The following EPHA2 variants were observed in gnomAD, a reference collection of about 807,000 sequenced individuals.
EPHA2 encodes EPH receptor A2, also known as ephrin type-A receptor 2.
Under a neutral mutation model 104.9 loss-of-function variants are expected in EPHA2, and 54 were observed. The ratio of observed to expected loss-of-function variants is 0.51; its 90% CI spans 0.41 to 0.65. The LOEUF is 0.65. Ranked by LOEUF, EPHA2 falls within the 30% of genes least tolerant of loss-of-function variation. The probability of loss-of-function intolerance (pLI) is 0.00; values close to 1 mark genes in which losing one functional copy is unlikely to be tolerated. For missense variants in EPHA2, 1,117 were observed against 1,369.5 expected (o/e 0.82, Z 2.91); for synonymous variants, 560 against 559.1 (o/e 1.00, Z -0.02).
rs1437241551 is a variant in EPHA2, at chr1:16,130,760, G to C, written c.2476-341C>G. 6.6e-6 allele frequency among the ~76,000 whole-genome samples: 1 copy of C among 152,066 alleles called. No homozygotes were observed. The highest frequency in any genetic ancestry group is 1.5e-5 in the Non-Finnish European group (1 of 68,012). ...TCCTCCCACCTCCGCCTCCTGAGTA[G>C]CTGAGACTACAGGCACGTGCCAACA... On this transcript the variant is annotated intron_variant, in intron 14 of 16. Coordinates refer to ENST00000358432, the MANE Select transcript of EPHA2 (RefSeq NM_004431.5). This position sits in a 1 kb window ranked among gnomAD's most constrained non-coding sequence, Gnocchi z 4.5.
Position 16,137,947 on chromosome 1 carries a change from C to T in EPHA2, c.1218G>A (p.Met406Ile), listed in dbSNP as rs570874803. Residue 406 changes from methionine (M) to isoleucine (I), a missense_variant, in exon 5 of 17, where the codon ATG becomes ATA. This residue lies in a region of EPHA2 where 664 missense variants were observed against 784.8 expected (regional missense o/e 0.85). Coordinates refer to ENST00000358432, the MANE Select transcript of EPHA2 (RefSeq NM_004431.5). ...GGGCCTCCACGGTGAAGGTGTAGTTCATGTGGGGCTCCAGGTCGCTCACTG... is the reference window on the plus strand; with the variant it reads ...GGGCCTCCACGGTGAAGGTGTAGTTTATGTGGGGCTCCAGGTCGCTCACTG... Reference protein sequence around the residue: ...SVTVSDLEPHMNYTFTVEARN... With the variant: ...SVTVSDLEPHINYTFTVEARN... The T allele has an allele frequency of 5.0e-6, 8 of 1,614,064 alleles. No individual in the cohort carries two copies. The highest frequency in any genetic ancestry group is 6.8e-6 in the Non-Finnish European group (8 of 1,180,056).
intron 16 of EPHA2, among the ~76,000 whole-genome samples, chr1:16,129,184 A>G (rs2024525827): frequency 6.6e-6 from 1 of 151,474 alleles, no homozygotes; most frequent in Non-Finnish European, 1.5e-5. Context: ...AGCTACTGTT[A>G]TGATTACGGT....
chr1:16,150,409 G>GC lies in EPHA2; in HGVS notation c.153+486dup, dbSNP rs112569634. Among the ~76,000 whole-genome samples the GC allele has an allele frequency of 1.2e-4, 18 of 152,328 alleles. No individual in the cohort carries two copies. Among genetic ancestry groups the GC allele is most frequent in the African/African-American group, 4.3e-4 (18 of 41,564 alleles). On this transcript the variant is annotated intron_variant, in intron 2 of 16. Transcript: ENST00000358432. The surrounding 1 kb of genome is among the most constrained non-coding windows in gnomAD (Gnocchi z 4.8). Reference sequence around the variant, plus strand: ...GGTGAGAATGAGGCAGAGAAATGCAGCCCCCCACAGGAAGGGGAAGCAACA... The same window carrying GC: ...GGTGAGAATGAGGCAGAGAAATGCAGCCCCCCCACAGGAAGGGGAAGCAACA...
intron 1 of EPHA2, among the ~76,000 whole-genome samples, chr1:16,155,020 G>T (rs187283643): frequency 1.3e-5 from 2 of 152,180 alleles, no homozygotes; most frequent in African/African-American, 2.4e-5. Flanking sequence ...CAAAGTCTGC[G>T]GCCCCTCACT....
At position 16,133,504 on chromosome 1, in the gene EPHA2, G is replaced by C; in HGVS notation, c.1841C>G (p.Thr614Ser). The change falls in exon 10 of 17, where the codon ACT becomes AGT. Residue 614 changes from threonine (T) to serine (S), a missense_variant. By Grantham distance (58) the Thr-to-Ser change is moderately conservative. This residue lies in a region of EPHA2 where 113 missense variants were observed against 104.3 expected (regional missense o/e 1.08). Coordinates refer to ENST00000358432, the MANE Select transcript of EPHA2 (RefSeq NM_004431.5). ...FTTEIHPSCV[T>S]RQKVIGAGEF... ...ACCTGCTCCGATCACCTTCTGCCGAGTGACACAGGATGGATGGATCTCGGT... is the reference window on the plus strand; with the variant it reads ...ACCTGCTCCGATCACCTTCTGCCGACTGACACAGGATGGATGGATCTCGGT... 1.2e-6 allele frequency: 2 copies of C among 1,614,126 alleles called. No homozygotes were observed. Among genetic ancestry groups the C allele is most frequent in the Non-Finnish European group, 1.7e-6 (2 of 1,179,992 alleles).
At position 16,136,303 on chromosome 1, in the gene EPHA2, AAAT is replaced by A. The variant is rs35523202; in HGVS notation, c.1313-536_1313-534del. Among the ~76,000 whole-genome samples, 493 of 140,982 alleles carry A rather than the reference AAAT, an allele frequency of 3.5e-3. 2 individuals carry two copies. The highest frequency in any genetic ancestry group is 9.7e-3 in the African/African-American group (378 of 38,794). 92.5% of individuals were successfully genotyped at this position (140,982 alleles called of 152,430 possible). On this transcript the variant is annotated intron_variant, in intron 5 of 16. Transcript: ENST00000358432. ...AGGTGCCCCATATTTACGAGTGCATAAATAATAATAATAATAATAATAATAATA... is the reference window on the plus strand; with the variant it reads ...AGGTGCCCCATATTTACGAGTGCATAAATAATAATAATAATAATAATAATA...
At chr1:16,132,354 GC>G in intron 12 of EPHA2, 23 bp downstream of exon 12, 1 of 1,614,084 alleles carries the variant, frequency 6.2e-7, no homozygotes, top group Non-Finnish European at 8.5e-7. Flanking sequence ...AGGCATCCCC[GC>G]CCCCTACAAC....
intron 13 of EPHA2, 40 bp downstream of exon 13, chr1:16,132,024 G>A (rs773120871): frequency 3.4e-5 from 55 of 1,613,666 alleles, no homozygotes; most frequent in Non-Finnish European, 4.1e-5. Flanking sequence ...CATGCAGGGC[G>A]AAGGCCGCTT....
chr1:16,131,690 G>C lies in EPHA2; in HGVS notation c.2475+31C>G, dbSNP rs201319114. The C allele has an allele frequency of 6.2e-7, 1 of 1,613,580 alleles. No homozygotes were observed. The highest frequency in any genetic ancestry group is 1.7e-5 in the Admixed American group (1 of 60,022). The stretch of plus-strand genomic sequence containing the variant: ...GAGTAAAGGGCTTGAGTTCAGGTCC[G>C]GACAGGCCTGGGGAGGGCAAGGGCA... On this transcript the variant is annotated intron_variant, in intron 14 of 16. Transcript: ENST00000358432. This position sits in a 1 kb window ranked among gnomAD's most constrained non-coding sequence, Gnocchi z 5.2.
intron 1 of EPHA2, chr1:16,153,135 A>G: frequency 1.0e-6 from 1 of 985,132 alleles, no homozygotes. Context: ...GGGGGGAAAA[A>G]AAAAAAGCAA....
At chr1:16,129,353 A>C in intron 16 of EPHA2, 81 bp downstream of exon 16, 1 of 1,516,266 alleles carries the variant, frequency 6.6e-7, no homozygotes, top group African/African-American at 1.4e-5. Context: ...AGGGGCAGGG[A>C]AGAGGGCTGG....
rs370135733 is a variant in EPHA2, at chr1:16,133,283, G to A, written c.1950C>T (p.Ala650=). The A allele has an allele frequency of 8.1e-6, 13 of 1,613,690 alleles. No individual in the cohort carries two copies. Among genetic ancestry groups the A allele is most frequent in the Admixed American group, 5.0e-5 (3 of 59,982 alleles). ...CCACTCGCTGCTTCTCTGTGTAGCC[G>A]GCTTTCAGCGTCTTGATGGCCACCG... ...EVPVAIKTLK[A]GYTEKQRVDF... The change falls in exon 11 of 17, where the codon GCC becomes GCT. Residue 650 remains alanine (A), a synonymous_variant. Transcript: ENST00000358432.
rs998892352 is a variant in EPHA2 at position 16,128,930 on chromosome 1, C to T, written c.2825+504G>A. Among the ~76,000 whole-genome samples the T allele has an allele frequency of 1.3e-5, 2 of 151,916 alleles. No individual in the cohort carries two copies. The highest frequency in any genetic ancestry group is 1.9e-4 in the East Asian group (1 of 5,138). ...ACTGGCTGTGTGACCTCAGGCAAGC[C>T]GGTAACATCTCAGCCTGTTTCTCTA... On this transcript the variant is annotated intron_variant, in intron 16 of 16. Coordinates refer to ENST00000358432, the MANE Select transcript of EPHA2 (RefSeq NM_004431.5). The surrounding 1 kb of genome is among the most constrained non-coding windows in gnomAD (Gnocchi z 4.7).
In EPHA2 at chr1:16,155,922, T is replaced by G. The variant is rs2025158889; in HGVS notation, c.11A>C (p.Gln4Pro). 2.7e-6 allele frequency: 4 copies of G among 1,490,476 alleles called. No individual in the cohort carries two copies. In the South Asian group the frequency reaches 5.0e-5, roughly 19 times the overall value. The allele number at this position is 1,490,476 out of a possible 1,614,324, so 92.3% of individuals were successfully genotyped here. A position where few individuals can be genotyped will look rare whatever the true frequency, so the allele number is the denominator to read the frequency against. The change falls in exon 1 of 17, where the codon CAG becomes CCG. Residue 4 changes from glutamine to proline, a missense_variant. Physicochemically the swap from Gln to Pro is moderately conservative, Grantham distance 76. Coordinates refer to ENST00000358432, the MANE Select transcript of EPHA2 (RefSeq NM_004431.5). The stretch of plus-strand genomic sequence containing the variant: ...CAGGGCGAAGCAGGCGCGGGCTGCC[T>G]GGAGCTCCATGCCGCGCTTCTCGCT... MEL[Q>P]AARACFALLW...
In EPHA2 at chr1:16,133,378, G is replaced by C; in HGVS notation, c.1865-10C>G. The stretch of plus-strand genomic sequence containing the variant: ...ACCTCCCCAAACTCTCCTGTGGGCA[G>C]ACAGGGTCAGGGGAGTGCCCTGGTC... On this transcript the variant is annotated splice_polypyrimidine_tract_variant and intron_variant, in intron 10 of 16. Transcript: ENST00000358432. 1 of 1,613,844 alleles carries C rather than the reference G, an allele frequency of 6.2e-7. No individual in the cohort carries two copies. Among genetic ancestry groups the C allele is most frequent in the Non-Finnish European group, 8.5e-7 (1 of 1,179,964 alleles).
chr1:16,127,059 A>G (rs2024483559), intron 16 of EPHA2, among the ~76,000 whole-genome samples: 1 of 152,168 alleles, frequency 6.6e-6, no homozygotes, highest in African/African-American at 2.4e-5. Flanking sequence ...ATGGGAGCAC[A>G]GTTTGCTTTG....
rs760979853 is a variant in EPHA2 at position 16,133,913 on chromosome 1, C to T, written c.1685G>A (p.Arg562Lys). 1.3e-6 allele frequency: 2 copies of T among 1,550,826 alleles called. No individual in the cohort carries two copies. Among genetic ancestry groups the T allele is most frequent in the East Asian group, 2.4e-5 (1 of 40,914 alleles). ...AGVGFFIHRR[R>K]KNQRARQSPE... ...GGACTGGCGGGCACGCTGGTTCTTC[C>T]TCCTGAAAGAGCCCCACGGGGAACC... is the stretch of plus-strand genomic sequence containing the variant. Residue 562 changes from arginine to lysine, a missense_variant and splice_region_variant, in exon 9 of 17, where the codon AGG becomes AAG. This residue lies in a region of EPHA2 where 113 missense variants were observed against 104.3 expected (regional missense o/e 1.08). Coordinates refer to ENST00000358432, the MANE Select transcript of EPHA2 (RefSeq NM_004431.5).
In EPHA2 at chr1:16,133,474, A is replaced by T. The variant is rs747390923; in HGVS notation, c.1864+7T>A. The stretch of plus-strand genomic sequence containing the variant: ...CTCAGGGCCCCTTGGCAGGGGGCCA[A>T]CCTCACCTGCTCCGATCACCTTCTG... On this transcript the variant is annotated splice_region_variant and intron_variant, in intron 10 of 16. Transcript: ENST00000358432. 1 of 1,613,870 alleles carries T rather than the reference A, an allele frequency of 6.2e-7. No homozygotes were observed. The highest frequency in any genetic ancestry group is 1.7e-5 in the Admixed American group (1 of 59,998).
rs913786919 is a variant in EPHA2, at chr1:16,152,690, T to C, written c.86-1727A>G. On this transcript the variant is annotated intron_variant, in intron 1 of 16. Coordinates refer to ENST00000358432, the MANE Select transcript of EPHA2 (RefSeq NM_004431.5). ...CACAGTCCTGCAGCCCCCCCTTAGATTGACAGGAGGCTGAGGTCTGTGCCC... is the reference window on the plus strand; with the variant it reads ...CACAGTCCTGCAGCCCCCCCTTAGACTGACAGGAGGCTGAGGTCTGTGCCC... Among the ~76,000 whole-genome samples, 3 of 152,146 alleles carry C rather than the reference T, an allele frequency of 2.0e-5. No homozygotes were observed. In the East Asian group the frequency reaches 5.8e-4, roughly 29 times the overall value.
Sources: gnomAD v4.1 joint callset for allele counts (sites outside exome capture counted in the v4.1 genomes callset) on GRCh38, gnomAD v4.1.1 for gene constraint, gnomAD v4.1.1 regional missense constraint, Gnocchi (gnomAD v3.1) non-coding constraint, MANE v1.5 for transcripts, NCBI Gene and HGNC (gene_info 2026-07-23, HGNC 2026-07-21) for gene names.